Variants in POLQ observed in about 807,000 individuals in gnomAD.
POLQ encodes epididymis secretory sperm binding protein.
Under a neutral mutation model 259.2 loss-of-function variants are expected in POLQ, and 233 were observed. The observed-to-expected ratio is 0.90, with a 90% CI of 0.81 to 1.00. POLQ has a LOEUF of 1.00. Among genes scored for constraint, POLQ ranks in the 50% least tolerant of loss-of-function variants. The pLI is 0.00. For synonymous variants in POLQ, 1,025 were observed against 1,048.8 expected (o/e 0.98, Z 0.44); for missense variants, 2,871 against 3,051.6 (o/e 0.94, Z 1.39).
At chr3:121,535,437 C>T (rs11706583) in intron 5 of POLQ, among the ~76,000 whole-genome samples, 91,792 of 151,906 alleles carry the variant, frequency 0.6, 28,493 homozygotes, top group East Asian at 0.89. Flanking sequence ...TTATGGAGGC[C>T]GGGCACAGTG....
At chr3:121,496,335 C>A (rs1393436240) in intron 14 of POLQ, among the ~76,000 whole-genome samples, 3 of 152,006 alleles carry the variant, frequency 2.0e-5, no homozygotes, top group Admixed American at 6.6e-5. Context: ...ACCGCCACAC[C>A]TGGCTAATTT....
intron 2 of POLQ, among the ~76,000 whole-genome samples, chr3:121,542,130 C>T (rs367776728): frequency 6.7e-5 from 10 of 148,930 alleles, no homozygotes; most frequent in African/African-American, 2.5e-4. Context: ...TGAGAGACTC[C>T]GTCTCAAAAA....
At chr3:121,443,135 C>T (rs1007061739) in intron 26 of POLQ, among the ~76,000 whole-genome samples, 2 of 150,220 alleles carry the variant, frequency 1.3e-5, no homozygotes, top group East Asian at 2.0e-4. Flanking sequence ...GGATTACAGG[C>T]GTGAGCCACC....
At chr3:121,544,663 T>C (rs2048516027) in intron 2 of POLQ, 64 bp downstream of exon 2, 7 of 1,074,184 alleles carry the variant, frequency 6.5e-6, no homozygotes, top group Non-Finnish European at 9.8e-6. Context: ...CACAACTACC[T>C]CAATAGAGTA....
In POLQ at chr3:121,488,417, G is replaced by A; in HGVS notation, c.4514C>T (p.Pro1505Leu). Residue 1505 changes from proline (P) to leucine (L), a missense_variant, in exon 16 of 30, where the codon CCT becomes CTT. By Grantham distance (98) the Pro-to-Leu change is moderately conservative (BLOSUM62 -3). Around this residue, in one of 3 missense-constraint regions of POLQ, gnomAD observed 2,080 missense variants for 2,126.0 expected, o/e 0.98. Coordinates refer to ENST00000264233, the MANE Select transcript of POLQ (RefSeq NM_199420.4). ...SDDYLVKEQLPDMQMKEPLPS... is the reference protein window; with the variant it reads ...SDDYLVKEQLLDMQMKEPLPS... ...AAGGGGTTCTTTCATTTGCATATCA[G>A]GTAATTGTTCTTTTACTAGATAGTC... 6.2e-7 allele frequency: 1 copy of A among 1,612,608 alleles called. No individual in the cohort carries two copies. Among genetic ancestry groups the A allele is most frequent in the African/African-American group, 1.3e-5 (1 of 74,954 alleles).
chr3:121,543,982 C>CAA (rs890108103), intron 2 of POLQ, among the ~76,000 whole-genome samples: 5 of 129,158 alleles, frequency 3.9e-5, no homozygotes, highest in African/African-American at 1.1e-4. Context: ...GACTCCATCT[C>CAA]AAAAAAAAAA....
chr3:121,454,156 A>G (rs1276873590), intron 25 of POLQ, among the ~76,000 whole-genome samples: 2 of 152,196 alleles, frequency 1.3e-5, no homozygotes, highest in Admixed American at 6.5e-5. Context: ...AAGGAGAAAT[A>G]CAATCCTTAA....
At position 121,533,245 on chromosome 3, in the gene POLQ, A is replaced by G. The variant is rs772440751; in HGVS notation, c.741-36T>C. 2.3e-6 allele frequency: 3 copies of G among 1,311,470 alleles called. No individual in the cohort carries two copies. The African/African-American group carries it at 4.5e-5, about 20-fold the overall frequency. The allele number at this position is 1,311,470 out of a possible 1,614,324, so 81.2% of individuals were successfully genotyped here. On this transcript the variant is annotated intron_variant, in intron 5 of 29. Transcript: ENST00000264233. Reference sequence around the variant, plus strand: ...ACAAATGAAAAGAACATTAAAAGATATATAATACATTAATAATTAGTGTTG... The same window carrying G: ...ACAAATGAAAAGAACATTAAAAGATGTATAATACATTAATAATTAGTGTTG...
At chr3:121,502,468 T>C (rs2048178585) in intron 12 of POLQ, among the ~76,000 whole-genome samples, 1 of 152,160 alleles carries the variant, frequency 6.6e-6, no homozygotes, top group Admixed American at 6.5e-5. Context: ...CCTACCGAAG[T>C]GCTGAGATTA....
At position 121,449,200 on chromosome 3, in the gene POLQ, C is replaced by A. The variant is rs1370224419; in HGVS notation, c.7264+115G>T. The A allele has an allele frequency of 1.1e-4, 68 of 613,718 alleles. No homozygotes were observed. The Middle Eastern group carries it at 1.3e-3, about 12-fold the overall frequency. The allele number at this position is 613,718 out of a possible 1,614,324, so 38.0% of individuals were successfully genotyped here. A position where few individuals can be genotyped will look rare whatever the true frequency, so the allele number is the denominator to read the frequency against. ...TTAATCTTATTTACCCTTAACAATG[C>A]CTGATGAAAACTTCTGACTAATTGA... On this transcript the variant is annotated intron_variant, in intron 26 of 29. Transcript: ENST00000264233.
Position 121,533,041 on chromosome 3 carries a change from A to G in POLQ, c.909T>C (p.Tyr303=). 6.2e-7 allele frequency: 1 copy of G among 1,614,046 alleles called. No homozygotes were observed. Among genetic ancestry groups the G allele is most frequent in the South Asian group, 1.1e-5 (1 of 91,072 alleles). The part of the protein sequence containing the change: ...LESVKVGNSI[Y]DSSMKLVREF... ...CCCTCACAAGTTTCATTGAAGAGTC[A>G]TATATGGAATTTCCAACTTTTACTG... Residue 303 remains tyrosine, a synonymous_variant, in exon 6 of 30, where the codon TAT becomes TAC. Transcript: ENST00000264233.
intron 7 of POLQ, among the ~76,000 whole-genome samples, chr3:121,529,224 T>C (rs976211131): frequency 3.3e-5 from 5 of 152,186 alleles, no homozygotes; most frequent in African/African-American, 1.2e-4. Context: ...GGTCAACTTA[T>C]ACATATGTAT....
intron 25 of POLQ, among the ~76,000 whole-genome samples, chr3:121,451,903 G>A (rs1372253996): frequency 1.3e-5 from 2 of 152,226 alleles, no homozygotes; most frequent in East Asian, 3.8e-4. Context: ...TACAGAGGCA[G>A]GCAGGCGTCC....
chr3:121,456,467 T>G (rs1382072344), intron 25 of POLQ, among the ~76,000 whole-genome samples: 2 of 152,210 alleles, frequency 1.3e-5, no homozygotes, highest in African/African-American at 2.4e-5. Context: ...ATGACATGAC[T>G]GTATATCCAG....
chr3:121,452,274 G>A (rs1217814683), intron 25 of POLQ, among the ~76,000 whole-genome samples: 4 of 151,986 alleles, frequency 2.6e-5, no homozygotes, highest in Non-Finnish European at 4.4e-5. Context: ...GCTCACGCTC[G>A]GTGGGCTGCA....
At chr3:121,534,677 T>C (rs1488229927) in intron 5 of POLQ, among the ~76,000 whole-genome samples, 3 of 152,240 alleles carry the variant, frequency 2.0e-5, no homozygotes, top group Admixed American at 6.5e-5. Context: ...TCTCTCTTCC[T>C]TAATAATATA....
intron 13 of POLQ, among the ~76,000 whole-genome samples, chr3:121,498,114 C>T (rs1264283859): frequency 6.6e-6 from 1 of 151,730 alleles, no homozygotes; most frequent in African/African-American, 2.4e-5. Flanking sequence ...AGTTTAAGAC[C>T]AGCCTGACCA....
intron 27 of POLQ, among the ~76,000 whole-genome samples, chr3:121,439,592 G>T (rs565954819): frequency 6.6e-6 from 1 of 152,294 alleles, no homozygotes; most frequent in Admixed American, 6.5e-5. Flanking sequence ...TCAAAATTTA[G>T]TGACTGGCTA....
chr3:121,494,662 G>C (rs2048100962), intron 14 of POLQ: 3 of 1,557,604 alleles, frequency 1.9e-6, no homozygotes, highest in Non-Finnish European at 2.6e-6. Flanking sequence ...GCATTACCAA[G>C]GGGAAGGCAA....
Sources: allele counts gnomAD v4.1 joint callset (sites outside exome capture counted in the v4.1 genomes callset), GRCh38; gene constraint gnomAD v4.1.1; regional missense constraint gnomAD v4.1.1; transcripts MANE v1.5; gene names NCBI Gene and HGNC (gene_info 2026-07-23, HGNC 2026-07-21).